The following ASS1 variants were observed in gnomAD, a reference collection of about 807,000 sequenced individuals.
The protein encoded by ASS1 is argininosuccinate synthase 1.
ASS1 carries 58 observed loss-of-function variants against 60.5 expected under a neutral mutation model. That is an observed-to-expected ratio of 0.96 (90% CI 0.78 to 1.19). The LOEUF is 1.19. Among genes scored for constraint, ASS1 ranks in the 50% most tolerant of loss-of-function variants. The probability of loss-of-function intolerance (pLI) is 0.00; values close to 1 mark genes in which losing one functional copy is unlikely to be tolerated. For synonymous variants in ASS1, 200 were observed against 206.9 expected (o/e 0.97, Z 0.29); for missense variants, 454 against 547.3 (o/e 0.83, Z 1.70).
chr9:130,479,867 G>A (rs777414511), intron 10 of ASS1, 67 bp downstream of exon 10: 44 of 1,498,542 alleles, frequency 2.9e-5, no homozygotes, highest in East Asian at 2.3e-4. Flanking sequence ...AGCCTGGACC[G>A]TTGCAGCTAA....
rs527746839 is a variant in ASS1 at position 130,445,490 on chromosome 9, G to A, written c.-6+495G>A. Among the ~76,000 whole-genome samples the A allele has an allele frequency of 2.0e-5, 3 of 152,284 alleles. No individual in the cohort carries two copies. In the South Asian group the frequency reaches 6.2e-4, roughly 32 times the overall value. On this transcript the variant is annotated intron_variant, in intron 1 of 14. Transcript: ENST00000352480. The stretch of plus-strand genomic sequence containing the variant: ...AGCCCCTCTGGGGCTTGGACGTATC[G>A]CTTTCCCCGCAGCCTCAGTTTACCC...
chr9:130,447,217 G>A (rs1330813405), intron 1 of ASS1, among the ~76,000 whole-genome samples: 2 of 152,232 alleles, frequency 1.3e-5, no homozygotes, highest in Admixed American at 6.5e-5. Flanking sequence ...GAGCCAGGGA[G>A]TGGAAGGCCT....
At chr9:130,456,063 TTCA>T (rs1845443034) in intron 3 of ASS1, among the ~76,000 whole-genome samples, 1 of 152,276 alleles carries the variant, frequency 6.6e-6, no homozygotes. Flanking sequence ...TGTGCACGGC[TTCA>T]GCTTTTGTCC....
In ASS1 at chr9:130,481,789, C is replaced by T. The variant is rs568764254; in HGVS notation, c.838+1340C>T. Among the ~76,000 whole-genome samples the T allele has an allele frequency of 9.8e-5, 15 of 152,294 alleles. No homozygotes were observed. In the South Asian group the frequency reaches 3.1e-3, roughly 32 times the overall value. ...ATGGGAGCGCGGAAGGGGAGGCAGGCTCGCCTCTTTCTTGTGGCTTTAGCT... is the reference window on the plus strand; with the variant it reads ...ATGGGAGCGCGGAAGGGGAGGCAGGTTCGCCTCTTTCTTGTGGCTTTAGCT... On this transcript the variant is annotated intron_variant, in intron 11 of 14. Coordinates refer to ENST00000352480, the MANE Select transcript of ASS1 (RefSeq NM_054012.4).
intron 10 of ASS1, 72 bp downstream of exon 10, chr9:130,479,872 A>G (rs1179110212): frequency 2.7e-6 from 4 of 1,487,764 alleles, no homozygotes; most frequent in Non-Finnish European, 3.8e-6. Flanking sequence ...GGACCGTTGC[A>G]GCTAATGGTT....
At position 130,476,828 on chromosome 9, in the gene ASS1, G is replaced by T; in HGVS notation, c.598-43G>T. On this transcript the variant is annotated intron_variant, in intron 8 of 14. Coordinates refer to ENST00000352480, the MANE Select transcript of ASS1 (RefSeq NM_054012.4). This position sits in a 1 kb window ranked among gnomAD's most constrained non-coding sequence, Gnocchi z 4.9. ...GGGAGGTGGGCTGTAGGGTGTCCAG[G>T]GACTGGTATGTCATCTGCCCACCAC... The T allele has an allele frequency of 6.4e-7, 1 of 1,553,566 alleles. No homozygotes were observed. Among genetic ancestry groups the T allele is most frequent in the Non-Finnish European group, 8.9e-7 (1 of 1,125,904 alleles).
At chr9:130,485,875 A>G (rs558929456) in intron 11 of ASS1, among the ~76,000 whole-genome samples, 15 of 152,268 alleles carry the variant, frequency 9.9e-5, no homozygotes, top group African/African-American at 3.4e-4. Context: ...GCCATTTTGG[A>G]GACAGAGATT....
In ASS1 at chr9:130,477,055, C is replaced by A. The variant is rs1298319957; in HGVS notation, c.688+94C>A. 1.5e-6 allele frequency: 2 copies of A among 1,311,106 alleles called. No homozygotes were observed. Among genetic ancestry groups the A allele is most frequent in the Non-Finnish European group, 2.2e-6 (2 of 914,812 alleles). 81.2% of individuals were successfully genotyped at this position (1,311,106 alleles called of 1,614,324 possible). Reference sequence around the variant, plus strand: ...CCTGGGAACCTAGGCCCTCTTTACCCCCGCCCTGCATTCCTGGAAGCTAGA... The same window carrying A: ...CCTGGGAACCTAGGCCCTCTTTACCACCGCCCTGCATTCCTGGAAGCTAGA... On this transcript the variant is annotated intron_variant, in intron 9 of 14. Coordinates refer to ENST00000352480, the MANE Select transcript of ASS1 (RefSeq NM_054012.4). The surrounding 1 kb of genome is among the most constrained non-coding windows in gnomAD (Gnocchi z 4.2).
At chr9:130,466,104 A>AC (rs1588482719) in intron 5 of ASS1, among the ~76,000 whole-genome samples, 1 of 151,584 alleles carries the variant, frequency 6.6e-6, no homozygotes, top group South Asian at 2.1e-4. Context: ...TGACATCTCC[A>AC]CCCCCACACA....
Position 130,452,212 on chromosome 9 carries a change from G to T in ASS1, c.-5-12G>T. The T allele has an allele frequency of 6.2e-7, 1 of 1,612,952 alleles. No individual in the cohort carries two copies. Among genetic ancestry groups the T allele is most frequent in the Non-Finnish European group, 8.5e-7 (1 of 1,179,316 alleles). On this transcript the variant is annotated splice_polypyrimidine_tract_variant and intron_variant, in intron 1 of 14. Transcript: ENST00000352480. ...CTCAGGGTCACTCAGGTTGTTCCTCGACTCCCGCCAGACGCTATGTCCAGC... is the reference window on the plus strand; with the variant it reads ...CTCAGGGTCACTCAGGTTGTTCCTCTACTCCCGCCAGACGCTATGTCCAGC...
intron 4 of ASS1, among the ~76,000 whole-genome samples, chr9:130,460,855 C>T (rs1845573624): frequency 6.6e-6 from 1 of 152,118 alleles, no homozygotes. Flanking sequence ...TTTACTGTCA[C>T]TCCAGCTGTG....
At chr9:130,471,643 G>A (rs544350156) in intron 8 of ASS1, 128 bp downstream of exon 8, 40 of 1,162,796 alleles carry the variant, frequency 3.4e-5, no homozygotes, top group South Asian at 1.2e-4. Context: ...GGCTGGGGCC[G>A]AGCCCTGCCT....
rs2131874222 is a variant in ASS1 at position 130,458,598 on chromosome 9, C to T, written c.363+9C>T. On this transcript the variant is annotated intron_variant, in intron 4 of 14. Transcript: ENST00000352480. ...ACGGCGCCACAGGAAAGGTGAGGCA[C>T]CTGGGAAGGGCCGGGCAGAGGGAGA... The T allele has an allele frequency of 6.2e-7, 1 of 1,611,612 alleles. No individual in the cohort carries two copies. The highest frequency in any genetic ancestry group is 8.5e-7 in the Non-Finnish European group (1 of 1,179,478).
intron 1 of ASS1, chr9:130,451,608 G>A (rs549674142): frequency 2.0e-5 from 7 of 351,538 alleles, no homozygotes; most frequent in Admixed American, 7.7e-5. Flanking sequence ...GCAGGTGGGC[G>A]GCGGCACTGC....
intron 5 of ASS1, among the ~76,000 whole-genome samples, chr9:130,464,837 C>T (rs938409480): frequency 1.3e-5 from 2 of 151,930 alleles, no homozygotes; most frequent in African/African-American, 4.8e-5. Context: ...TTCCTTCACT[C>T]GCTAGCTCAT....
chr9:130,485,131 C>T (rs934149553), intron 11 of ASS1, among the ~76,000 whole-genome samples: 13 of 152,184 alleles, frequency 8.5e-5, no homozygotes, highest in African/African-American at 3.1e-4. Context: ...GCTGGAGGAC[C>T]TTGGACAAGT....
At chr9:130,493,917 C>T (rs772922947) in intron 12 of ASS1, among the ~76,000 whole-genome samples, 1 of 152,200 alleles carries the variant, frequency 6.6e-6, no homozygotes. Context: ...CCCCCACCTA[C>T]ACACCAAGGG....
At chr9:130,487,522 G>A (rs926220148) in intron 11 of ASS1, among the ~76,000 whole-genome samples, 1 of 151,960 alleles carries the variant, frequency 6.6e-6, no homozygotes, top group African/African-American at 2.4e-5. Flanking sequence ...GTGCCACTGT[G>A]ACTACCGTCC....
chr9:130,453,524 C>T (rs1471568775), intron 2 of ASS1, among the ~76,000 whole-genome samples: 1 of 152,216 alleles, frequency 6.6e-6, no homozygotes, highest in Admixed American at 6.5e-5. Flanking sequence ...CTGCAAAGAG[C>T]CCAGGGTGTA....
Sources: allele counts gnomAD v4.1 joint callset (sites outside exome capture counted in the v4.1 genomes callset), GRCh38; gene constraint gnomAD v4.1.1; non-coding constraint Gnocchi (gnomAD v3.1); transcripts MANE v1.5; gene names NCBI Gene and HGNC (gene_info 2026-07-23, HGNC 2026-07-21).